Variants in MOB3A observed in about 807,000 individuals in gnomAD.
MOB3A encodes the protein MOB kinase activator 3A.
A neutral mutation model predicts 17.8 loss-of-function variants in MOB3A; 17 were observed. The observed-to-expected ratio is 0.95, with a 90% CI of 0.65 to 1.43. MOB3A has a LOEUF of 1.43. Among genes scored for constraint, MOB3A ranks in the 40% most tolerant of loss-of-function variants. MOB3A has a pLI of 0.00. For synonymous variants in MOB3A, 124 were observed against 133.2 expected (o/e 0.93, Z 0.48); for missense variants, 333 against 310.8 (o/e 1.07, Z -0.54).
chr19:2,086,260 G>C (rs1397263270), intron 1 of MOB3A, among the ~76,000 whole-genome samples: 5 of 150,352 alleles, frequency 3.3e-5, no homozygotes, highest in Non-Finnish European at 5.9e-5. Context: ...GGCTGGTCTC[G>C]AACTCCTGAC....
Position 2,073,385 on chromosome 19 carries a change from C to T in MOB3A, c.*10G>A, listed in dbSNP as rs199578809. 226 of 1,613,348 alleles carry T rather than the reference C, an allele frequency of 1.4e-4. No homozygotes were observed. The highest frequency in any genetic ancestry group is 1.8e-4 in the Non-Finnish European group (213 of 1,179,940). On this transcript the variant is annotated 3_prime_UTR_variant, in exon 5 of 5. Coordinates refer to ENST00000357066, the MANE Select transcript of MOB3A (RefSeq NM_130807.3). Reference sequence around the variant, plus strand: ...GCGGCGGTTCGGGCACCGGGAGACCCGCGGGGCTCTCAGTGGCACATCCGG... The same window carrying T: ...GCGGCGGTTCGGGCACCGGGAGACCTGCGGGGCTCTCAGTGGCACATCCGG...
Position 2,078,190 on chromosome 19 carries a change from T to C in MOB3A, c.371A>G (p.Asp124Gly), listed in dbSNP as rs766390236. 5.7e-5 allele frequency: 92 copies of C among 1,605,956 alleles called. No individual in the cohort carries two copies. The Middle Eastern group carries it at 6.6e-4, about 12-fold the overall frequency. ...GTTGTTGATCTGCGCCTCGATCCAG[T>C]CCATCAGCAGGTCCATGTACCTGGG... ...SAPRYMDLLM[D>G]WIEAQINNED... The change falls in exon 3 of 5, where the codon GAC becomes GGC. Residue 124 changes from aspartate to glycine, a missense_variant. Physicochemically the swap from Asp to Gly is moderately conservative, Grantham distance 94. Coordinates refer to ENST00000357066, the MANE Select transcript of MOB3A (RefSeq NM_130807.3).
chr19:2,092,547 C>A (rs2017625733), intron 1 of MOB3A, among the ~76,000 whole-genome samples: 1 of 152,056 alleles, frequency 6.6e-6, no homozygotes, highest in Admixed American at 6.6e-5. Flanking sequence ...GAGGCTGAGG[C>A]AGGCAGACTG....
At chr19:2,088,855 G>A (rs1306303423) in intron 1 of MOB3A, among the ~76,000 whole-genome samples, 1 of 152,092 alleles carries the variant, frequency 6.6e-6, no homozygotes, top group African/African-American at 2.4e-5. Flanking sequence ...CTCCCACCTT[G>A]GCCTCCCAAA....
chr19:2,073,552 C>G, intron 4 of MOB3A, 128 bp from the exon 5 acceptor site: 1 of 1,227,362 alleles, frequency 8.1e-7, no homozygotes, highest in Non-Finnish European at 1.2e-6. Flanking sequence ...ACCCAAACAA[C>G]AAAAACCACA....
chr19:2,090,726 C>T (rs1447159745), intron 1 of MOB3A, among the ~76,000 whole-genome samples: 3 of 152,156 alleles, frequency 2.0e-5, no homozygotes, highest in South Asian at 2.1e-4. Flanking sequence ...TGCAGTGGCG[C>T]GATCTCGTCT....
chr19:2,077,952 T>G (rs1029879157), intron 3 of MOB3A, among the ~76,000 whole-genome samples, 188 bp downstream of exon 3: 4 of 151,826 alleles, frequency 2.6e-5, no homozygotes, highest in Non-Finnish European at 5.9e-5. Flanking sequence ...CCTGGCTAAT[T>G]TTTAAAATTT....
At chr19:2,077,588 C>T (rs1399587677) in intron 3 of MOB3A, among the ~76,000 whole-genome samples, 1 of 151,964 alleles carries the variant, frequency 6.6e-6, no homozygotes, top group East Asian at 1.9e-4. Flanking sequence ...GGCTCCATGG[C>T]AGTGATTCTG....
intron 4 of MOB3A, among the ~76,000 whole-genome samples, chr19:2,076,573 G>A (rs989248198): frequency 4.6e-5 from 7 of 152,250 alleles, no homozygotes; most frequent in Non-Finnish European, 1.0e-4. Flanking sequence ...CTGGACGCGG[G>A]GCGGCGCGGA....
chr19:2,079,634 G>A (rs566233302), intron 2 of MOB3A, among the ~76,000 whole-genome samples: 90 of 152,330 alleles, frequency 5.9e-4, no homozygotes, highest in African/African-American at 2.0e-3. Flanking sequence ...CGTCTCAGAC[G>A]TGCAGCCCCA....
chr19:2,077,675 ATCCTG>A (rs1445961137), intron 3 of MOB3A, among the ~76,000 whole-genome samples: 1 of 151,982 alleles, frequency 6.6e-6, no homozygotes, highest in African/African-American at 2.4e-5. Flanking sequence ...CCTGATGCTG[ATCCTG>A]TCATTCTCTG....
chr19:2,078,285 C>A lies in MOB3A; in HGVS notation c.276G>T (p.Ser92=), dbSNP rs775584996. Residue 92 remains serine (S), a synonymous_variant, in exon 3 of 5, where the codon TCG becomes TCT. Transcript: ENST00000357066. ...GCTEQSCPVM[S]GGPKYEYRWQ... ...AGCGGTACTCATACTTGGGGCCCCC[C>A]GACATGACGGGGCAGGACTGCTCCG... The A allele has an allele frequency of 1.9e-6, 3 of 1,614,010 alleles. No individual in the cohort carries two copies. Among genetic ancestry groups the A allele is most frequent in the African/African-American group, 2.7e-5 (2 of 74,914 alleles).
At chr19:2,095,769 TC>T (rs1031122694) in intron 1 of MOB3A, among the ~76,000 whole-genome samples, 7 of 150,076 alleles carry the variant, frequency 4.7e-5, no homozygotes, top group South Asian at 4.2e-4. Flanking sequence ...TTTTTTTTTT[TC>T]CCCCGCTCTG....
Position 2,078,565 on chromosome 19 carries a change from G to A in MOB3A, c.-5C>T. ...CTTCAGGAAGGGGTTGGACATCTTG[G>A]TGACGCCTGCTCTCCTGGACTTCTG... On this transcript the variant is annotated 5_prime_UTR_variant, in exon 3 of 5. Coordinates refer to ENST00000357066, the MANE Select transcript of MOB3A (RefSeq NM_130807.3). The A allele has an allele frequency of 6.4e-7, 1 of 1,559,434 alleles. No individual in the cohort carries two copies. The highest frequency in any genetic ancestry group is 8.7e-7 in the Non-Finnish European group (1 of 1,148,606).
intron 3 of MOB3A, among the ~76,000 whole-genome samples, 165 bp downstream of exon 3, chr19:2,077,975 G>A (rs2017433837): frequency 6.6e-6 from 1 of 151,900 alleles, no homozygotes; most frequent in Admixed American, 6.6e-5. Context: ...TGTAGAGATG[G>A]GATCTTGCTA....
rs112529106 is a variant in MOB3A at position 2,095,935 on chromosome 19, G to A, written c.-274+291C>T. Among the ~76,000 whole-genome samples the A allele has an allele frequency of 6.8e-4, 104 of 152,088 alleles. 1 individual carries two copies. Among genetic ancestry groups the A allele is most frequent in the African/African-American group, 2.3e-3 (96 of 41,468 alleles). On this transcript the variant is annotated intron_variant, in intron 1 of 4. Coordinates refer to ENST00000357066, the MANE Select transcript of MOB3A (RefSeq NM_130807.3). Reference sequence around the variant, plus strand: ...AATTTTGTATTTTTGGTACAGACGGGGTTTCACCATGTTGGCCAGACTGGT... The same window carrying A: ...AATTTTGTATTTTTGGTACAGACGGAGTTTCACCATGTTGGCCAGACTGGT...
Position 2,093,250 on chromosome 19 carries a change from C to T in MOB3A, c.-274+2976G>A, listed in dbSNP as rs926505250. Among the ~76,000 whole-genome samples, 10 of 152,176 alleles carry T rather than the reference C, an allele frequency of 6.6e-5. No homozygotes were observed. The highest frequency in any genetic ancestry group is 3.9e-4 in the East Asian group (2 of 5,168). ...TTGGCTCACTGCAAGCTCCGCCTCC[C>T]GGGTTCAAGTGATTCTCCTGCCTCA... On this transcript the variant is annotated intron_variant, in intron 1 of 4. Coordinates refer to ENST00000357066, the MANE Select transcript of MOB3A (RefSeq NM_130807.3). The surrounding 1 kb of genome is among the most constrained non-coding windows in gnomAD (Gnocchi z 4.6).
intron 1 of MOB3A, among the ~76,000 whole-genome samples, chr19:2,088,301 GTTTGC>G (rs754434233): frequency 3.3e-5 from 5 of 152,066 alleles, no homozygotes; most frequent in Admixed American, 6.6e-5. Flanking sequence ...AACTGTTCTT[GTTTGC>G]TTTATTTTAT....
At chr19:2,076,592 C>T (rs1206480359) in intron 4 of MOB3A, among the ~76,000 whole-genome samples, 3 of 152,222 alleles carry the variant, frequency 2.0e-5, no homozygotes, top group African/African-American at 7.2e-5. Flanking sequence ...GAGGAAACTG[C>T]ACCTGTCGCC....
Sources: allele counts gnomAD v4.1 joint callset (sites outside exome capture counted in the v4.1 genomes callset), GRCh38; gene constraint gnomAD v4.1.1; non-coding constraint Gnocchi (gnomAD v3.1); transcripts MANE v1.5; gene names NCBI Gene and HGNC (gene_info 2026-07-23, HGNC 2026-07-21).